NELL1: variants seen among roughly 807,000 people sequenced by gnomAD.
NELL1 encodes neural EGFL like 1, also known as protein kinase C-binding protein NELL1.
A neutral mutation model predicts 107.4 loss-of-function variants in NELL1; 76 were observed. The observed-to-expected ratio is 0.71, with a 90% CI of 0.59 to 0.86. The LOEUF (loss-of-function observed/expected upper bound fraction) is 0.86. Ranked by LOEUF, NELL1 falls within the 40% of genes least tolerant of loss-of-function variation. The probability of loss-of-function intolerance (pLI) is 0.00; values close to 1 mark genes in which losing one functional copy is unlikely to be tolerated. For missense variants in NELL1, 1,024 were observed against 1,005.5 expected (o/e 1.02, Z -0.25); for synonymous variants, 353 against 341.2 (o/e 1.03, Z -0.38).
chr11:21,273,967 A>T (rs947764172), intron 14 of NELL1, among the ~76,000 whole-genome samples: 1 of 152,234 alleles, frequency 6.6e-6, no homozygotes, highest in African/African-American at 2.4e-5. Context: ...TGTAAAGACT[A>T]TCGAGGCTAG....
intron 2 of NELL1, among the ~76,000 whole-genome samples, chr11:20,715,759 T>A (rs140283791): frequency 1.3e-5 from 2 of 152,270 alleles, no homozygotes; most frequent in Non-Finnish European, 2.9e-5. Context: ...ATACCTAGAG[T>A]TGAGTATCTG....
intron 12 of NELL1, among the ~76,000 whole-genome samples, chr11:21,023,108 A>T (rs1198182040): frequency 1.3e-5 from 2 of 152,094 alleles, no homozygotes; most frequent in African/African-American, 4.8e-5. Flanking sequence ...TTTATAGGGA[A>T]ATTTGAAAAG....
At chr11:20,937,210 T>TG (rs1850744860) in intron 9 of NELL1, among the ~76,000 whole-genome samples, 1 of 152,224 alleles carries the variant, frequency 6.6e-6, no homozygotes, top group South Asian at 2.1e-4. Context: ...CTGCCCTTCC[T>TG]GGCAGCCTTT....
chr11:21,452,524 A>C (rs1853613390), intron 15 of NELL1, among the ~76,000 whole-genome samples: 1 of 152,078 alleles, frequency 6.6e-6, no homozygotes, highest in Admixed American at 6.5e-5. Context: ...TGTCTGAAAT[A>C]TGTAGTTGTA....
chr11:21,338,110 T>C (rs1376282402), intron 14 of NELL1, among the ~76,000 whole-genome samples: 2 of 151,988 alleles, frequency 1.3e-5, no homozygotes, highest in Non-Finnish European at 2.9e-5. Flanking sequence ...TCAAGTTGCT[T>C]TCCGTCCTGT....
intron 5 of NELL1, among the ~76,000 whole-genome samples, chr11:20,894,152 C>G (rs1316586255): frequency 5.9e-5 from 9 of 152,100 alleles, no homozygotes; most frequent in Admixed American, 1.3e-4. Context: ...GGCTATAGAT[C>G]AAAAAGTTAA....
intron 2 of NELL1, among the ~76,000 whole-genome samples, chr11:20,739,359 G>A (rs1233960574): frequency 1.3e-5 from 2 of 152,178 alleles, no homozygotes; most frequent in African/African-American, 4.8e-5. Context: ...TTTGCAGATG[G>A]GCAGGATGCA....
intron 10 of NELL1, among the ~76,000 whole-genome samples, chr11:20,945,030 T>A (rs1168830763): frequency 2.0e-5 from 3 of 152,206 alleles, no homozygotes; most frequent in Non-Finnish European, 4.4e-5. Context: ...TGGGAATCAC[T>A]CCCGAATCTC....
intron 3 of NELL1, among the ~76,000 whole-genome samples, chr11:20,822,507 A>G (rs1435402276): frequency 6.6e-6 from 1 of 152,150 alleles, no homozygotes; most frequent in Non-Finnish European, 1.5e-5. Flanking sequence ...TTCTTGGGGC[A>G]GGTATGCCCA....
chr11:21,507,932 C>T (rs1168846352), intron 15 of NELL1, among the ~76,000 whole-genome samples: 4 of 151,792 alleles, frequency 2.6e-5, no homozygotes, highest in Non-Finnish European at 5.9e-5. Context: ...AGGTGTGCAC[C>T]ACTACGCCTG....
At chr11:21,295,711 C>T in intron 14 of NELL1, among the ~76,000 whole-genome samples, 1 of 151,976 alleles carries the variant, frequency 6.6e-6, no homozygotes, top group East Asian at 1.9e-4. Flanking sequence ...TGGAGTTTCC[C>T]TGACAACTTG....
At chr11:21,101,875 CTTTTT>C (rs1351911239) in intron 12 of NELL1, among the ~76,000 whole-genome samples, 1 of 151,670 alleles carries the variant, frequency 6.6e-6, no homozygotes, top group Non-Finnish European at 1.5e-5. Flanking sequence ...TTCTTTCTTT[CTTTTT>C]GAGATGGAGT....
intron 2 of NELL1, among the ~76,000 whole-genome samples, chr11:20,760,964 C>A (rs1207475030): frequency 6.6e-6 from 1 of 152,120 alleles, no homozygotes; most frequent in Non-Finnish European, 1.5e-5. Flanking sequence ...GTGCCAAAAG[C>A]CGCTATTGTG....
At chr11:21,545,404 A>C (rs902388890) in intron 16 of NELL1, among the ~76,000 whole-genome samples, 12 of 151,962 alleles carry the variant, frequency 7.9e-5, no homozygotes, top group African/African-American at 2.9e-4. Context: ...GGGAGTGCTG[A>C]GAAAGGAAGA....
chr11:21,118,437 C>T (rs764608348), intron 13 of NELL1, among the ~76,000 whole-genome samples: 10 of 152,000 alleles, frequency 6.6e-5, no homozygotes, highest in East Asian at 1.9e-4. Context: ...TTAGACCAAA[C>T]GTGCTCTGTA....
At chr11:20,902,722 T>C (rs1341472625) in intron 5 of NELL1, among the ~76,000 whole-genome samples, 2 of 152,004 alleles carry the variant, frequency 1.3e-5, no homozygotes, top group African/African-American at 4.8e-5. Flanking sequence ...AAAAACCTAA[T>C]TGTCCATCAA....
intron 14 of NELL1, among the ~76,000 whole-genome samples, chr11:21,308,240 A>G (rs1049545414): frequency 1.3e-5 from 2 of 152,036 alleles, no homozygotes; most frequent in Non-Finnish European, 2.9e-5. Context: ...GTAGAAAGCT[A>G]TTAAAGATAA....
intron 4 of NELL1, among the ~76,000 whole-genome samples, chr11:20,870,762 G>T (rs1849180987): frequency 6.6e-6 from 1 of 152,144 alleles, no homozygotes; most frequent in Non-Finnish European, 1.5e-5. Flanking sequence ...TCTTCCTTCA[G>T]AACAGGAAAT....
At chr11:20,788,550 T>C (rs1013800197) in intron 3 of NELL1, among the ~76,000 whole-genome samples, 3 of 151,468 alleles carry the variant, frequency 2.0e-5, no homozygotes, top group African/African-American at 7.4e-5. Flanking sequence ...TTGGATTCTT[T>C]GTCTTTCTAT....
Sources: gnomAD v4.1 joint callset for allele counts (sites outside exome capture counted in the v4.1 genomes callset) on GRCh38, gnomAD v4.1.1 for gene constraint, MANE v1.5 for transcripts, NCBI Gene and HGNC (gene_info 2026-07-23, HGNC 2026-07-21) for gene names.